TMEM18: variants seen among roughly 807,000 people sequenced by gnomAD.
The protein encoded by TMEM18 is transmembrane protein 18.
A neutral mutation model predicts 17.4 loss-of-function variants in TMEM18; 14 were observed. That is an observed-to-expected ratio of 0.80 (90% CI 0.53 to 1.25). The LOEUF (loss-of-function observed/expected upper bound fraction) is 1.25, where lower values mean the gene tolerates loss of function less well. Ranked by LOEUF, TMEM18 falls within the 50% of genes most tolerant of loss-of-function variation. The pLI, the probability that TMEM18 is intolerant of heterozygous loss-of-function variation, is 0.00. For synonymous variants in TMEM18, 86 were observed against 66.1 expected, an observed-to-expected ratio of 1.30 and a Z score of -1.46; for missense variants, 187 against 172.1, an observed-to-expected ratio of 1.09 and a Z score of -0.48.
In TMEM18 at chr2:672,792, C is replaced by G. The variant is rs1390900605; in HGVS notation, c.233+16G>C. 6.8e-7 allele frequency: 1 copy of G among 1,460,448 alleles called. No homozygotes were observed. Among genetic ancestry groups the G allele is most frequent in the East Asian group, 2.8e-5 (1 of 36,236 alleles). 90.5% of individuals were successfully genotyped at this position (1,460,448 alleles called of 1,614,324 possible). ...CCCCTGCAGGGACCTGGTCACAGGC[C>G]CGGGGGTGGGCTCACCTCCAGTTCA... On this transcript the variant is annotated intron_variant, in intron 3 of 4. Coordinates refer to ENST00000281017, the MANE Select transcript of TMEM18 (RefSeq NM_152834.4).
chr2:665,718 A>G lies in TMEM18; in HGVS notation c.*3862T>C, dbSNP rs1678670798. On this transcript the variant is annotated 3_prime_UTR_variant, in exon 5 of 5. Transcript: ENST00000281017. Reference sequence around the variant, plus strand: ...GAGAATCAACCCTACATACAACAGGACCCAGAGATGCAGATGCCCCACTCA... The same window carrying G: ...GAGAATCAACCCTACATACAACAGGGCCCAGAGATGCAGATGCCCCACTCA... Among the ~76,000 whole-genome samples, 1 of 152,036 alleles carries G rather than the reference A, an allele frequency of 6.6e-6. No homozygotes were observed. The highest frequency in any genetic ancestry group is 1.5e-5 in the Non-Finnish European group (1 of 68,018).
At position 675,628 on chromosome 2, in the gene TMEM18, C is replaced by T; in HGVS notation, c.60G>A (p.Gln20=). 1 of 1,613,874 alleles carries T rather than the reference C, an allele frequency of 6.2e-7. No homozygotes were observed. Among genetic ancestry groups the T allele is most frequent in the Non-Finnish European group, 8.5e-7 (1 of 1,180,020 alleles). ...TGAGCCAGGGCTCAGTCCAGTCCGT[C>T]TGCTGTAGGAACACACCAGCAGACA... ...FPVSIPAVLT[Q]TDWTEPWLMG... is the part of the protein sequence containing the mutation. The change falls in exon 2 of 5, where the codon CAG becomes CAA. Residue 20 remains glutamine, a splice_region_variant and synonymous_variant. Coordinates refer to ENST00000281017, the MANE Select transcript of TMEM18 (RefSeq NM_152834.4).
Position 669,237 on chromosome 2 carries a change from TTCA to T in TMEM18, c.*340_*342del, listed in dbSNP as rs1197002037. ...CAGGTGGCACTGTTTATTATTGAGT[TTCA>T]TATTTTATATTGTGTATTTTATATT... On this transcript the variant is annotated 3_prime_UTR_variant, in exon 5 of 5. Coordinates refer to ENST00000281017, the MANE Select transcript of TMEM18 (RefSeq NM_152834.4). 9.0e-6 allele frequency: 2 copies of T among 221,360 alleles called. No individual in the cohort carries two copies. Among genetic ancestry groups the T allele is most frequent in the Non-Finnish European group, 1.8e-5 (2 of 112,832 alleles). The allele number at this position is 221,360 out of a possible 1,614,324, so 13.7% of individuals were successfully genotyped here.
In TMEM18 at chr2:675,579, G is replaced by A. The variant is rs1678978916; in HGVS notation, c.109C>T (p.Leu37Phe). ...WLMGLATFHALCVLLTCLSSR... is the reference protein window; with the variant it reads ...WLMGLATFHAFCVLLTCLSSR... ...GACAAGCAGGTGAGGAGCACGCAGA[G>A]CGCGTGGAAGGTGGCCAGCCCCATG... is the stretch of plus-strand genomic sequence containing the variant. The change falls in exon 2 of 5, where the codon CTC becomes TTC. Residue 37 changes from leucine to phenylalanine, a missense_variant. By Grantham distance (22) the Leu-to-Phe change is conservative (BLOSUM62 0). Transcript: ENST00000281017. The A allele has an allele frequency of 6.2e-7, 1 of 1,614,122 alleles. No homozygotes were observed. The highest frequency in any genetic ancestry group is 1.3e-5 in the African/African-American group (1 of 74,944).
chr2:670,230 T>C, intron 3 of TMEM18: 1 of 180,836 alleles, frequency 5.5e-6, no homozygotes, highest in Non-Finnish European at 1.1e-5. Context: ...ACGTCAATAA[T>C]CCCCTCCCCG....
chr2:676,804 G>C, intron 1 of TMEM18: 1 of 695,638 alleles, frequency 1.4e-6, no homozygotes, highest in Non-Finnish European at 2.4e-6. Context: ...CCGCCCACAT[G>C]GCCCAAGCCC....
intron 2 of TMEM18, 65 bp downstream of exon 2, chr2:675,445 C>G: frequency 2.5e-6 from 4 of 1,605,550 alleles, no homozygotes; most frequent in Non-Finnish European, 3.4e-6. Context: ...AAGACACAGA[C>G]AGAACATACA....
At position 669,693 on chromosome 2, in the gene TMEM18, A is replaced by G. The variant is rs746554077; in HGVS notation, c.328-18T>C. ...CACATAACCTAAACACAATTGTTTGAGACATGTTTAGATTTGAAAAACATA... is the reference window on the plus strand; with the variant it reads ...CACATAACCTAAACACAATTGTTTGGGACATGTTTAGATTTGAAAAACATA... On this transcript the variant is annotated intron_variant, in intron 4 of 4. Transcript: ENST00000281017. The G allele has an allele frequency of 6.2e-7, 1 of 1,614,036 alleles. No homozygotes were observed. The highest frequency in any genetic ancestry group is 8.5e-7 in the Non-Finnish European group (1 of 1,179,986).
At chr2:677,100 G>A in intron 1 of TMEM18, 189 bp downstream of exon 1, 1 of 615,892 alleles carries the variant, frequency 1.6e-6, no homozygotes, top group Non-Finnish European at 2.6e-6. Flanking sequence ...CGCCCACAGC[G>A]CGCGCCCCCG....
intron 3 of TMEM18, 155 bp from the exon 4 acceptor site, chr2:670,005 C>G: frequency 1.6e-6 from 1 of 620,840 alleles, no homozygotes; most frequent in East Asian, 2.7e-5. Flanking sequence ...GCGGTAATCT[C>G]CACTGTACTG....
Position 671,813 on chromosome 2 carries a change from C to T in TMEM18, c.233+995G>A, listed in dbSNP as rs111819586. 1.8e-4 allele frequency among the ~76,000 whole-genome samples: 24 copies of T among 135,184 alleles called. 1 individual carries two copies. The highest frequency in any genetic ancestry group is 6.1e-4 in the African/African-American group (21 of 34,672). The allele number at this position is 135,184 out of a possible 152,430, so 88.7% of individuals were successfully genotyped here. ...CTGAACCATGTGAAGGCCCTGCATC[C>T]GGGAGGAGAGGCAGGGTCCTCCTGG... On this transcript the variant is annotated intron_variant, in intron 3 of 4. Transcript: ENST00000281017.
At chr2:676,260 G>A (rs371519350) in intron 1 of TMEM18, 4 of 1,441,624 alleles carry the variant, frequency 2.8e-6, no homozygotes, top group African/African-American at 1.4e-5. Context: ...GTCTGGCTCA[G>A]GGACCTGAAG....
chr2:672,931 C>T (rs1052100932), intron 2 of TMEM18, 69 bp from the exon 3 acceptor site: 2 of 1,354,438 alleles, frequency 1.5e-6, no homozygotes, highest in African/African-American at 3.1e-5. Flanking sequence ...GTTATACATT[C>T]TTTACAGCAG....
rs1678762151 is a variant in TMEM18, at chr2:668,936, C to T, written c.*644G>A. On this transcript the variant is annotated 3_prime_UTR_variant, in exon 5 of 5. Transcript: ENST00000281017. ...ATTGGTTCATCAAACTGAGATACAA[C>T]GTATTTTCCAAGAGCTTCCTTCCAA... 2 of 152,300 alleles carry T rather than the reference C, an allele frequency of 1.3e-5. No homozygotes were observed. The highest frequency in any genetic ancestry group is 6.5e-5 in the Admixed American group (1 of 15,282). The allele number at this position is 152,300 out of a possible 1,614,324, so 9.4% of individuals were successfully genotyped here.
intron 3 of TMEM18, among the ~76,000 whole-genome samples, chr2:671,414 G>C (rs1384104534): frequency 7.1e-6 from 1 of 140,018 alleles, no homozygotes; most frequent in Admixed American, 7.1e-5. Flanking sequence ...GGTCCTCCTG[G>C]GACTGAACCA....
At chr2:676,141 G>A (rs1312244325) in intron 1 of TMEM18, 1 of 1,327,590 alleles carries the variant, frequency 7.5e-7, no homozygotes, top group Non-Finnish European at 1.0e-6. Context: ...ATCGCCACGT[G>A]CAAGACTTGA....
intron 1 of TMEM18, chr2:676,752 C>G: frequency 9.6e-7 from 1 of 1,044,874 alleles, no homozygotes; most frequent in South Asian, 1.5e-5. Context: ...CCACCCCACA[C>G]GATCAGGCTC....
At chr2:672,766 A>G (rs771426019) in intron 3 of TMEM18, 42 bp downstream of exon 3, 24 of 1,414,096 alleles carry the variant, frequency 1.7e-5, no homozygotes, top group Non-Finnish European at 2.2e-5. Context: ...TCCCAGGGAC[A>G]CCCCTGCAGG....
In TMEM18 at chr2:665,566, C is replaced by G. The variant is rs1312241783; in HGVS notation, c.*4014G>C. Among the ~76,000 whole-genome samples the G allele has an allele frequency of 2.0e-5, 3 of 150,526 alleles. No homozygotes were observed. The highest frequency in any genetic ancestry group is 7.4e-5 in the African/African-American group (3 of 40,780). On this transcript the variant is annotated 3_prime_UTR_variant, in exon 5 of 5. Coordinates refer to ENST00000281017, the MANE Select transcript of TMEM18 (RefSeq NM_152834.4). Reference sequence around the variant, plus strand: ...AAACTAGAACCCAGAGATGCAGATGCCCCACTCACTCAGAGAATCAACCCC... The same window carrying G: ...AAACTAGAACCCAGAGATGCAGATGGCCCACTCACTCAGAGAATCAACCCC...
Sources: allele counts gnomAD v4.1 joint callset (sites outside exome capture counted in the v4.1 genomes callset), GRCh38; gene constraint gnomAD v4.1.1; transcripts MANE v1.5; gene names NCBI Gene and HGNC (gene_info 2026-07-23, HGNC 2026-07-21).